The following JARID2 variants were observed in gnomAD, a reference collection of about 807,000 sequenced individuals.
JARID2 encodes the protein jumonji and AT-rich interaction domain containing 2.
JARID2 carries 21 observed loss-of-function variants against 125.6 expected under a neutral mutation model. That is an observed-to-expected ratio of 0.17 (90% CI 0.12 to 0.24). The LOEUF (loss-of-function observed/expected upper bound fraction) is 0.24, where lower values mean the gene tolerates loss of function less well. Ranked by LOEUF, JARID2 falls within the 10% of genes least tolerant of loss-of-function variation. JARID2 has a pLI of 1.00. For missense variants in JARID2, 1,303 were observed against 1,639.6 expected (o/e 0.79, Z 3.55); for synonymous variants, 736 against 661.6 (o/e 1.11, Z -1.73).
At chr6:15,302,094 T>C (rs1180665006) in intron 1 of JARID2, among the ~76,000 whole-genome samples, 1 of 152,208 alleles carries the variant, frequency 6.6e-6, no homozygotes, top group African/African-American at 2.4e-5. Flanking sequence ...ACAGGTATTT[T>C]ACCATTATTA....
intron 1 of JARID2, among the ~76,000 whole-genome samples, chr6:15,263,229 T>A (rs1759956094): frequency 6.6e-6 from 1 of 152,088 alleles, no homozygotes; most frequent in Non-Finnish European, 1.5e-5. Flanking sequence ...TGGTCACACG[T>A]GCTTGTGCTG....
chr6:15,433,935 T>G (rs1208010259), intron 3 of JARID2, among the ~76,000 whole-genome samples: 39 of 105,762 alleles, frequency 3.7e-4, no homozygotes, highest in African/African-American at 1.4e-3. Context: ...TGTGTGTGTG[T>G]GTGTGTGTGT....
chr6:15,443,121 C>T (rs139387451), intron 3 of JARID2, among the ~76,000 whole-genome samples: 1 of 151,870 alleles, frequency 6.6e-6, no homozygotes, highest in Non-Finnish European at 1.5e-5. Context: ...CTCTCTGATG[C>T]CTGTTTTCCA....
chr6:15,250,196 G>A (rs1759388038), intron 1 of JARID2, among the ~76,000 whole-genome samples: 1 of 152,172 alleles, frequency 6.6e-6, no homozygotes, highest in African/African-American at 2.4e-5. Flanking sequence ...ATTTGAAAGT[G>A]TATGATTTAA....
rs560984747 is a variant in JARID2, at chr6:15,354,220, A to G, written c.46-19897A>G. The stretch of plus-strand genomic sequence containing the variant: ...AAATGAGACGAGAAGACAGGACCGA[A>G]GGTGGGAGTGATGCAGTTTGAGGAT... On this transcript the variant is annotated intron_variant, in intron 1 of 17. Coordinates refer to ENST00000341776, the MANE Select transcript of JARID2 (RefSeq NM_004973.4). 3.9e-5 allele frequency among the ~76,000 whole-genome samples: 6 copies of G among 152,322 alleles called. No homozygotes were observed. In the South Asian group the frequency reaches 1.2e-3, roughly 32 times the overall value.
chr6:15,280,256 C>A (rs1760698770), intron 1 of JARID2, among the ~76,000 whole-genome samples: 1 of 152,048 alleles, frequency 6.6e-6, no homozygotes, highest in Admixed American at 6.6e-5. Flanking sequence ...AATGTTGGCT[C>A]TCTTTCAGAT....
chr6:15,374,003 G>A, intron 1 of JARID2, 114 bp from the exon 2 acceptor site: 1 of 1,181,536 alleles, frequency 8.5e-7, no homozygotes, highest in Non-Finnish European at 1.2e-6. Flanking sequence ...TGAGAACTGG[G>A]TCGTGGTCAC....
chr6:15,473,215 T>G (rs1186924683), intron 5 of JARID2, among the ~76,000 whole-genome samples: 1 of 152,196 alleles, frequency 6.6e-6, no homozygotes, highest in Non-Finnish European at 1.5e-5. Flanking sequence ...GGAGTTACCT[T>G]TTCTCTCCTA....
intron 3 of JARID2, among the ~76,000 whole-genome samples, chr6:15,434,329 G>C (rs1479898911): frequency 6.6e-6 from 1 of 152,080 alleles, no homozygotes; most frequent in African/African-American, 2.4e-5. Context: ...AGCCTGTGGG[G>C]TTGTTTAGGG....
intron 1 of JARID2, among the ~76,000 whole-genome samples, chr6:15,297,098 G>T (rs898541999): frequency 2.0e-5 from 3 of 152,132 alleles, no homozygotes; most frequent in African/African-American, 7.2e-5. Flanking sequence ...ATGTTTGTAG[G>T]TATTTCTTTT....
At chr6:15,260,537 C>T (rs1423347172) in intron 1 of JARID2, among the ~76,000 whole-genome samples, 2 of 152,128 alleles carry the variant, frequency 1.3e-5, no homozygotes, top group Admixed American at 6.5e-5. Context: ...TTGAAGAGGT[C>T]GGGAAATACT....
intron 1 of JARID2, among the ~76,000 whole-genome samples, chr6:15,279,563 A>G (rs918553146): frequency 6.6e-6 from 1 of 152,212 alleles, no homozygotes; most frequent in Non-Finnish European, 1.5e-5. Context: ...CTTTACTTCC[A>G]TAAGTACTTG....
chr6:15,382,243 A>G (rs1764618437), intron 2 of JARID2, among the ~76,000 whole-genome samples: 1 of 152,252 alleles, frequency 6.6e-6, no homozygotes, highest in African/African-American at 2.4e-5. Context: ...AGCCTAGGCA[A>G]CAGAGTGAGA....
At chr6:15,509,493 G>A (rs1350543953) in intron 12 of JARID2, 2 of 302,570 alleles carry the variant, frequency 6.6e-6, no homozygotes, top group Non-Finnish European at 9.7e-6. Flanking sequence ...TGCCATGGAC[G>A]GTGATCATGG....
In JARID2 at chr6:15,520,294, AT is replaced by A; in HGVS notation, c.*45del. ...GTCGATTTATATATATTTTTTTGTA[AT>A]TATTATATTCTAGTTTGGAGTACTT... On this transcript the variant is annotated 3_prime_UTR_variant, in exon 18 of 18. Coordinates refer to ENST00000341776, the MANE Select transcript of JARID2 (RefSeq NM_004973.4). 7.0e-7 allele frequency: 1 copy of A among 1,436,922 alleles called. No individual in the cohort carries two copies. The allele number at this position is 1,436,922 out of a possible 1,614,324, so 89.0% of individuals were successfully genotyped here.
intron 1 of JARID2, among the ~76,000 whole-genome samples, chr6:15,360,382 A>C (rs142361443): frequency 6.6e-6 from 1 of 152,118 alleles, no homozygotes; most frequent in East Asian, 1.9e-4. Flanking sequence ...ACGGAGTTTC[A>C]CCGTGTTGGC....
chr6:15,247,533 CT>C lies in JARID2; in HGVS notation c.45+960del, dbSNP rs67284836. 3.9e-3 allele frequency: 3,152 copies of C among 808,532 alleles called. 73 individuals are homozygous for C. In the African/African-American group the frequency reaches 0.052, roughly 13 times the overall value. 50.1% of individuals were successfully genotyped at this position (808,532 alleles called of 1,614,324 possible). The stretch of plus-strand genomic sequence containing the variant: ...GCTGCATGCTTTAAATTAAATAACT[CT>C]TTTTTTTTTTCAAAAAAGGCCAAAT... On this transcript the variant is annotated intron_variant, in intron 1 of 17. Transcript: ENST00000341776.
intron 1 of JARID2, chr6:15,248,034 CT>C (rs901701919): frequency 1.0e-6 from 1 of 985,284 alleles, no homozygotes; most frequent in African/African-American, 1.7e-5. Context: ...CATTCCGGAC[CT>C]CGTTGAGGTG....
At chr6:15,449,696 G>T (rs992163124) in intron 3 of JARID2, among the ~76,000 whole-genome samples, 3 of 151,908 alleles carry the variant, frequency 2.0e-5, no homozygotes, top group African/African-American at 7.3e-5. Context: ...AAAAAAAAGT[G>T]CTCTGAATGA....
Sources: gnomAD v4.1 joint callset for allele counts (sites outside exome capture counted in the v4.1 genomes callset) on GRCh38, gnomAD v4.1.1 for gene constraint, MANE v1.5 for transcripts, NCBI Gene and HGNC (gene_info 2026-07-23, HGNC 2026-07-21) for gene names.